PPM1F: variants seen among roughly 807,000 people sequenced by gnomAD.
PPM1F encodes the protein protein phosphatase 1F.
Under a neutral mutation model 35.5 loss-of-function variants are expected in PPM1F, and 17 were observed. The observed-to-expected ratio is 0.48, with a 90% CI of 0.33 to 0.72. The LOEUF (loss-of-function observed/expected upper bound fraction) is 0.72. Ranked by LOEUF, PPM1F falls within the 30% of genes least tolerant of loss-of-function variation. The probability of loss-of-function intolerance (pLI) is 0.02; values close to 1 mark genes in which losing one functional copy is unlikely to be tolerated. For missense variants in PPM1F, 521 were observed against 613.0 expected (o/e 0.85, Z 1.59); for synonymous variants, 241 against 255.5 (o/e 0.94, Z 0.54).
intron 6 of PPM1F, among the ~76,000 whole-genome samples, chr22:21,930,599 G>C (rs540952468): frequency 1.1e-3 from 165 of 152,302 alleles, no homozygotes; most frequent in East Asian, 2.5e-3. Flanking sequence ...GAAAAGTGGG[G>C]TTTGAGGGAT....
rs1353409801 is a variant in PPM1F at position 21,925,570 on chromosome 22, G to A, written c.984C>T (p.Ile328=). The change falls in exon 7 of 8, where the codon ATC becomes ATT. Residue 328 remains isoleucine, a splice_region_variant and synonymous_variant. Coordinates refer to ENST00000263212, the MANE Select transcript of PPM1F (RefSeq NM_014634.4). ...TGGGTCGGCCTCTTTGGCTCTCACC[G>A]ATGGCTCTGGAGACGGCCAGGGTCC... The part of the protein sequence containing the change: ...VNGTLAVSRA[I]GDVFQKPYVS... The A allele has an allele frequency of 1.2e-5, 20 of 1,613,640 alleles. No individual in the cohort carries two copies. The highest frequency in any genetic ancestry group is 1.6e-5 in the Non-Finnish European group (19 of 1,179,782).
At chr22:21,940,032 C>A (rs1017703985) in intron 2 of PPM1F, among the ~76,000 whole-genome samples, 3 of 152,080 alleles carry the variant, frequency 2.0e-5, no homozygotes, top group African/African-American at 7.2e-5. Flanking sequence ...GAATTGTGTC[C>A]CCCCTAAATT....
chr22:21,950,590 T>C (rs931252154), intron 1 of PPM1F: 3 of 152,144 alleles, frequency 2.0e-5, no homozygotes, highest in African/African-American at 7.2e-5. Context: ...CACTATAGTG[T>C]AACAAAAGCA....
rs958057572 is a variant in PPM1F, at chr22:21,933,907, T to G, written c.558+117A>C. ...TCTCTTGCTGGGCAAGTACAGGGGC[T>G]GACGGGTGTCTCTCCTGTCTCAGCC... On this transcript the variant is annotated intron_variant, in intron 4 of 7. Transcript: ENST00000263212. 109 of 1,009,200 alleles carry G rather than the reference T, an allele frequency of 1.1e-4. No homozygotes were observed. The Middle Eastern group carries it at 1.3e-3, about 12-fold the overall frequency. 62.5% of individuals were successfully genotyped at this position (1,009,200 alleles called of 1,614,324 possible).
At chr22:21,928,938 C>G (rs1170630226) in intron 6 of PPM1F, among the ~76,000 whole-genome samples, 10 of 152,184 alleles carry the variant, frequency 6.6e-5, no homozygotes, top group Admixed American at 6.5e-4. Context: ...ACTGCCTCAA[C>G]AAAGTATCTT....
In PPM1F at chr22:21,939,376, G is replaced by C; in HGVS notation, c.355+156C>G. 1 of 982,340 alleles carries C rather than the reference G, an allele frequency of 1.0e-6. No homozygotes were observed. The allele number at this position is 982,340 out of a possible 1,614,324, so 60.9% of individuals were successfully genotyped here. A position where few individuals can be genotyped will look rare whatever the true frequency, so the allele number is the denominator to read the frequency against. On this transcript the variant is annotated intron_variant, in intron 3 of 7. Transcript: ENST00000263212. This position sits in a 1 kb window ranked among gnomAD's most constrained non-coding sequence, Gnocchi z 5.1. ...GTGACCGCCACCCTCCACCTCACTGGGGCCGCAAGCCTTCTCTGCTCCTTG... is the reference window on the plus strand; with the variant it reads ...GTGACCGCCACCCTCCACCTCACTGCGGCCGCAAGCCTTCTCTGCTCCTTG...
chr22:21,933,152 C>A (rs1210454586), intron 5 of PPM1F, among the ~76,000 whole-genome samples: 1 of 152,260 alleles, frequency 6.6e-6, no homozygotes, highest in African/African-American at 2.4e-5. Flanking sequence ...GGCCAGCAGA[C>A]CCTCTGCGCC....
chr22:21,950,339 T>A (rs1458087603), intron 1 of PPM1F: 1 of 152,092 alleles, frequency 6.6e-6, no homozygotes, highest in Non-Finnish European at 1.5e-5. Flanking sequence ...TCCAGCATGC[T>A]CTCTTTCATG....
At position 21,933,443 on chromosome 22, in the gene PPM1F, C is replaced by T; in HGVS notation, c.695G>A (p.Arg232Lys). ...ELPTDPEGAL[R>K]EAFRRTDQMF... ...CTGGTCGGTGCGCCGGAAGGCTTCT[C>T]TGAGGGCTCCCTCAGGGTCTGTGGG... Residue 232 changes from arginine (R) to lysine (K), a missense_variant, in exon 5 of 8, where the codon AGA becomes AAA. Transcript: ENST00000263212. 6.2e-7 allele frequency: 1 copy of T among 1,613,300 alleles called. No homozygotes were observed. Among genetic ancestry groups the T allele is most frequent in the Non-Finnish European group, 8.5e-7 (1 of 1,179,978 alleles).
At chr22:21,947,234 C>T (rs112728522) in intron 1 of PPM1F, 3 of 152,998 alleles carry the variant, frequency 2.0e-5, no homozygotes, top group South Asian at 2.1e-4. Context: ...CAGCGCCCCC[C>T]CTTCCATGTT....
chr22:21,933,316 C>T (rs566604409), intron 5 of PPM1F, 75 bp downstream of exon 5: 15 of 1,385,800 alleles, frequency 1.1e-5, no homozygotes, highest in Admixed American at 4.1e-5. Context: ...GCCCCTTTGG[C>T]GTTTTTCCCG....
Position 21,923,068 on chromosome 22 carries a change from G to C in PPM1F, c.*24C>G. 1 of 1,568,338 alleles carries C rather than the reference G, an allele frequency of 6.4e-7. No homozygotes were observed. Among genetic ancestry groups the C allele is most frequent in the African/African-American group, 1.4e-5 (1 of 73,180 alleles). ...GAGAAGGACAAGGATGGGAGGAAGG[G>C]GAGGGCAGGGGCCTGGAAACCACCT... On this transcript the variant is annotated 3_prime_UTR_variant, in exon 8 of 8. Transcript: ENST00000263212.
chr22:21,946,084 G>C lies in PPM1F; in HGVS notation c.-36C>G. 1.4e-6 allele frequency: 2 copies of C among 1,468,924 alleles called. No individual in the cohort carries two copies. Among genetic ancestry groups the C allele is most frequent in the Non-Finnish European group, 1.8e-6 (2 of 1,101,676 alleles). The allele number at this position is 1,468,924 out of a possible 1,614,324, so 91.0% of individuals were successfully genotyped here. A position where few individuals can be genotyped will look rare whatever the true frequency, so the allele number is the denominator to read the frequency against. The stretch of plus-strand genomic sequence containing the variant: ...TCCCGGGGGCCTGCAGCTAGGCCAG[G>C]GCAAGAGGGTCTCCAGGCTTCACCC... On this transcript the variant is annotated 5_prime_UTR_variant, in exon 2 of 8. Coordinates refer to ENST00000263212, the MANE Select transcript of PPM1F (RefSeq NM_014634.4).
At chr22:21,926,679 G>T (rs2070519777) in intron 6 of PPM1F, among the ~76,000 whole-genome samples, 1 of 152,148 alleles carries the variant, frequency 6.6e-6, no homozygotes, top group Non-Finnish European at 1.5e-5. Context: ...TGGGAGTGAG[G>T]CACCTCCCAA....
At chr22:21,940,265 G>C (rs1193190312) in intron 2 of PPM1F, among the ~76,000 whole-genome samples, 1 of 152,162 alleles carries the variant, frequency 6.6e-6, no homozygotes, top group Non-Finnish European at 1.5e-5. Flanking sequence ...ACGAGGTCAG[G>C]AGTTTGAGAC....
At chr22:21,951,144 C>G (rs1569133887) in intron 1 of PPM1F, 1 of 151,986 alleles carries the variant, frequency 6.6e-6, no homozygotes, top group Non-Finnish European at 1.5e-5. Context: ...TTTCTACAGG[C>G]CTGACTTTCT....
intron 1 of PPM1F, chr22:21,950,666 A>G (rs2070826969): frequency 6.6e-6 from 1 of 152,090 alleles, no homozygotes; most frequent in Admixed American, 6.6e-5. Flanking sequence ...TCTGTCACCC[A>G]GGCCGGAGTG....
Position 21,934,191 on chromosome 22 carries a change from T to G in PPM1F, c.391A>C (p.Asn131His), listed in dbSNP as rs1340751283. The change falls in exon 4 of 8, where the codon AAC becomes CAC. Residue 131 changes from asparagine (N) to histidine (H), a missense_variant. Asn to His is a moderately conservative substitution (Grantham distance 68, BLOSUM62 1). Transcript: ENST00000263212. ...TGGCCGGCGACTTCCCAAAGGCGGT[T>G]AAAGAAACTCTGTGCCAGGCTTTGG... ...DAQSLAQSFF[N>H]RLWEVAGQWQ... is the part of the protein sequence containing the mutation. 4 of 1,577,398 alleles carry G rather than the reference T, an allele frequency of 2.5e-6. No individual in the cohort carries two copies. The highest frequency in any genetic ancestry group is 3.4e-6 in the Non-Finnish European group (4 of 1,161,298).
chr22:21,932,142 G>A (rs1284244725), intron 5 of PPM1F, among the ~76,000 whole-genome samples: 3 of 151,498 alleles, frequency 2.0e-5, no homozygotes, highest in Non-Finnish European at 2.9e-5. Flanking sequence ...TAGTAGAGAC[G>A]AGGTTTCACC....
Sources: gnomAD v4.1 joint callset for allele counts (sites outside exome capture counted in the v4.1 genomes callset) on GRCh38, gnomAD v4.1.1 for gene constraint, Gnocchi (gnomAD v3.1) non-coding constraint, MANE v1.5 for transcripts, NCBI Gene and HGNC (gene_info 2026-07-23, HGNC 2026-07-21) for gene names.